The following APOOL variants were observed in gnomAD, a reference collection of about 807,000 sequenced individuals.
APOOL encodes MICOS complex subunit MIC27.
In APOOL, 12 loss-of-function variants were observed where a neutral mutation model predicts 23.1. The ratio of observed to expected loss-of-function variants is 0.52; its 90% CI spans 0.33 to 0.84. The LOEUF (loss-of-function observed/expected upper bound fraction) is 0.84. APOOL is among the 40% of genes least tolerant of loss of function. APOOL has a pLI of 0.02. For missense variants in APOOL, 212 were observed against 199.6 expected (o/e 1.06, Z -0.37); for synonymous variants, 77 against 69.9 (o/e 1.10, Z -0.51).
intron 1 of APOOL, among the ~76,000 whole-genome samples, chrX:85,031,774 G>A (rs761462580): frequency 4.5e-5 from 5 of 112,062 alleles, no homozygotes; most frequent in South Asian, 3.8e-4. Context: ...GAGGAAGGCG[G>A]TAAAGGTTGT....
intron 1 of APOOL, among the ~76,000 whole-genome samples, chrX:85,045,353 A>G (rs774574833): frequency 3.6e-5 from 4 of 111,954 alleles, no homozygotes; most frequent in African/African-American, 1.3e-4. Flanking sequence ...TAAACAGGAA[A>G]TTACTTAACT....
intron 1 of APOOL, among the ~76,000 whole-genome samples, chrX:85,045,043 C>T (rs932032581): frequency 9.0e-6 from 1 of 111,500 alleles, no homozygotes; most frequent in African/African-American, 3.3e-5. Context: ...CAAAATTTCC[C>T]TGGTTCATGG....
chrX:85,075,855 T>A (rs982806732), intron 8 of APOOL, among the ~76,000 whole-genome samples: 3 of 111,638 alleles, frequency 2.7e-5, no homozygotes, highest in Non-Finnish European at 5.6e-5. Context: ...TACTTACTCA[T>A]TCTTATCATA....
intron 8 of APOOL, among the ~76,000 whole-genome samples, chrX:85,076,513 AT>A (rs1923840209): frequency 9.0e-6 from 1 of 110,809 alleles, no homozygotes; most frequent in African/African-American, 3.3e-5. Context: ...GGTTGTGAGG[AT>A]TAAGTGAGAT....
At chrX:85,019,654 C>T (rs73627317) in intron 1 of APOOL, among the ~76,000 whole-genome samples, 1,879 of 111,643 alleles carry the variant, frequency 0.017, 34 homozygotes, top group African/African-American at 0.058. Context: ...GGGACTGGGG[C>T]ACAGACGTAC....
intron 1 of APOOL, among the ~76,000 whole-genome samples, chrX:85,024,698 T>C (rs967358626): frequency 7.1e-5 from 8 of 112,772 alleles, no homozygotes; most frequent in African/African-American, 2.6e-4. Flanking sequence ...CACACAGAGC[T>C]ATGAGGGACT....
intron 1 of APOOL, among the ~76,000 whole-genome samples, chrX:85,035,230 T>TA (rs1922176254): frequency 1.8e-5 from 2 of 111,634 alleles, no homozygotes. Flanking sequence ...CTTATTTTCA[T>TA]GTATTTGTTG....
intron 8 of APOOL, among the ~76,000 whole-genome samples, chrX:85,078,456 TTTTGG>T (rs1476459725): frequency 1.8e-5 from 2 of 111,708 alleles, no homozygotes; most frequent in African/African-American, 6.5e-5. Context: ...TATCTCTCTG[TTTTGG>T]TACCAGTACC....
intron 6 of APOOL, among the ~76,000 whole-genome samples, chrX:85,070,009 G>A (rs1172982785): frequency 9.0e-6 from 1 of 111,372 alleles, no homozygotes; most frequent in East Asian, 2.8e-4. Flanking sequence ...TTAATTATAA[G>A]TAAAACTGAT....
In APOOL at chrX:85,074,401, G is replaced by T; in HGVS notation, c.718+10G>T. 8.3e-7 allele frequency: 1 copy of T among 1,207,275 alleles called. No homozygotes were observed. The highest frequency in any genetic ancestry group is 1.1e-6 in the Non-Finnish European group (1 of 893,218). The stretch of plus-strand genomic sequence containing the variant: ...TCAGAATCCACTTCAGGTTTGTTGG[G>T]TATAAGTCAATTTTGTTTTCATTCT... On this transcript the variant is annotated intron_variant, in intron 8 of 8. Transcript: ENST00000373173.
chrX:85,057,840 A>T (rs1341717612), intron 5 of APOOL, among the ~76,000 whole-genome samples: 2 of 110,356 alleles, frequency 1.8e-5, no homozygotes, highest in East Asian at 2.8e-4. Flanking sequence ...AAACAATAAG[A>T]CTCAAAGAAT....
At chrX:85,058,014 A>T (rs1195920152) in intron 5 of APOOL, among the ~76,000 whole-genome samples, 1 of 111,060 alleles carries the variant, frequency 9.0e-6, no homozygotes, top group Non-Finnish European at 1.9e-5. Flanking sequence ...ATCTTAACCT[A>T]TTAGTAGGTA....
chrX:85,066,889 T>G (rs761739270), intron 5 of APOOL, among the ~76,000 whole-genome samples: 1 of 110,401 alleles, frequency 9.1e-6, no homozygotes, highest in Non-Finnish European at 1.9e-5. Context: ...TTTGTGTAGG[T>G]AATTGTGAGT....
intron 8 of APOOL, among the ~76,000 whole-genome samples, chrX:85,080,984 G>T (rs1260621743): frequency 3.6e-5 from 4 of 110,887 alleles, no homozygotes; most frequent in African/African-American, 1.3e-4. Flanking sequence ...GCCTATGTGT[G>T]TCTCTGCATG....
Position 85,055,906 on chromosome X carries a change from C to G in APOOL, c.375C>G (p.Gly125=). Residue 125 remains glycine, a synonymous_variant, in exon 5 of 9, where the codon GGC becomes GGG. Transcript: ENST00000373173. ...MGVITVSGLA[G]LVSARKGSKF... ...TTATTACAGTTTCAGGATTGGCGGG[C>G]TTGGTTTCAGCGAGAAAAGGTAGGG... The G allele has an allele frequency of 2.5e-6, 3 of 1,195,049 alleles. No homozygotes were observed. Among genetic ancestry groups the G allele is most frequent in the Non-Finnish European group, 3.4e-6 (3 of 887,750 alleles).
Position 85,088,316 on chromosome X carries a change from GTTTTTTTTTTT to G in APOOL, c.*657_*667del, listed in dbSNP as rs766497759. 4.4e-4 allele frequency: 10 copies of G among 22,526 alleles called. 1 individual carries two copies. Among genetic ancestry groups the G allele is most frequent in the East Asian group, 1.7e-3 (1 of 586 alleles). 1.9% of individuals were successfully genotyped at this position (22,526 alleles called of 1,213,427 possible). Reference sequence around the variant, plus strand: ...TGTATGGAAAGGTGTGTTTCCCTCTGTTTTTTTTTTTTTTTTTTTTTTTTTTTTTCCCATTT... The same window carrying G: ...TGTATGGAAAGGTGTGTTTCCCTCTGTTTTTTTTTTTTTTTTTTCCCATTT... On this transcript the variant is annotated 3_prime_UTR_variant, in exon 9 of 9. Coordinates refer to ENST00000373173, the MANE Select transcript of APOOL (RefSeq NM_198450.6).
At chrX:85,017,046 G>A (rs982495141) in intron 1 of APOOL, among the ~76,000 whole-genome samples, 1 of 112,107 alleles carries the variant, frequency 8.9e-6, no homozygotes, top group African/African-American at 3.2e-5. Flanking sequence ...CAGGTAATGG[G>A]CAGGGCCATA....
chrX:85,067,363 G>A, intron 6 of APOOL, 145 bp downstream of exon 6: 1 of 390,022 alleles, frequency 2.6e-6, no homozygotes, highest in Non-Finnish European at 4.6e-6. Context: ...AATCACATTA[G>A]CATCTCAGTA....
At position 85,073,559 on chromosome X, in the gene APOOL, G is replaced by A. The variant is rs748375820; in HGVS notation, c.487-439G>A. The stretch of plus-strand genomic sequence containing the variant: ...AAGCACCATCAAATTTTAAGCAAAA[G>A]CATTAACTTTGTAGCATGTTAAAAA... On this transcript the variant is annotated intron_variant, in intron 6 of 8. Coordinates refer to ENST00000373173, the MANE Select transcript of APOOL (RefSeq NM_198450.6). Among the ~76,000 whole-genome samples, 11 of 110,938 alleles carry A rather than the reference G, an allele frequency of 9.9e-5. No homozygotes were observed. The East Asian group carries it at 1.7e-3, about 17-fold the overall frequency.
Sources: gnomAD v4.1 joint callset for allele counts (sites outside exome capture counted in the v4.1 genomes callset) on GRCh38, gnomAD v4.1.1 for gene constraint, MANE v1.5 for transcripts, NCBI Gene and HGNC (gene_info 2026-07-23, HGNC 2026-07-21) for gene names.